Variants in GALNT9 observed in about 807,000 individuals in gnomAD.
GALNT9 encodes GalNAc transferase 9.
In GALNT9, 47 loss-of-function variants were observed where a neutral mutation model predicts 63.1. The observed-to-expected ratio is 0.75, with a 90% CI of 0.59 to 0.95. The LOEUF (loss-of-function observed/expected upper bound fraction) is 0.95, where lower values mean the gene tolerates loss of function less well. Among genes scored for constraint, GALNT9 ranks in the 40% least tolerant of loss-of-function variants. GALNT9 has a pLI of 0.00. For synonymous variants in GALNT9, 396 were observed against 365.7 expected (o/e 1.08, Z -0.94); for missense variants, 829 against 874.8 (o/e 0.95, Z 0.66).
rs1015820835 is a variant in GALNT9, at chr12:132,329,109, C to T, written c.95G>A (p.Gly32Asp). ...VLFSVYCRLQ[G>D]RSQELVRIVS... Reference sequence around the variant, plus strand: ...GATGCGCACGAGCTCCTGGGAGCGGCCCTGCAGGCGGCAGTACACGGAGAA... The same window carrying T: ...GATGCGCACGAGCTCCTGGGAGCGGTCCTGCAGGCGGCAGTACACGGAGAA... Residue 32 changes from glycine to aspartate, a missense_variant, in exon 1 of 11, where the codon GGC becomes GAC. By Grantham distance (94) the Gly-to-Asp change is moderately conservative. Transcript: ENST00000328957. The T allele has an allele frequency of 1.2e-5, 18 of 1,549,340 alleles. No homozygotes were observed. In the East Asian group the frequency reaches 4.4e-4, roughly 38 times the overall value.
intron 2 of GALNT9, chr12:132,278,590 C>T (rs1336040073): frequency 6.6e-6 from 1 of 152,214 alleles, no homozygotes; most frequent in Non-Finnish European, 1.5e-5. Context: ...CTCCCCGGGG[C>T]TGGGGCCCGC....
chr12:132,322,592 T>C (rs1868852713), intron 1 of GALNT9, among the ~76,000 whole-genome samples: 2 of 152,194 alleles, frequency 1.3e-5, no homozygotes, highest in African/African-American at 4.8e-5. Flanking sequence ...CCCCAGCTCC[T>C]GTCACCCCTT....
intron 5 of GALNT9, among the ~76,000 whole-genome samples, chr12:132,255,803 G>A (rs1326731578): frequency 6.6e-6 from 1 of 152,198 alleles, no homozygotes; most frequent in South Asian, 2.1e-4. Context: ...AGCATGGAAC[G>A]CAGGGGCACC....
At chr12:132,262,278 C>T (rs1593091213) in intron 3 of GALNT9, among the ~76,000 whole-genome samples, 181 bp downstream of exon 3, 1 of 152,168 alleles carries the variant, frequency 6.6e-6, no homozygotes, top group Non-Finnish European at 1.5e-5. Flanking sequence ...CTGGGGACAG[C>T]ACGTACGCAG....
Position 132,329,351 on chromosome 12 carries a change from C to G in GALNT9, c.-148G>C, listed in dbSNP as rs1869197272. 2 of 1,219,180 alleles carry G rather than the reference C, an allele frequency of 1.6e-6. No individual in the cohort carries two copies. The highest frequency in any genetic ancestry group is 2.1e-6 in the Non-Finnish European group (2 of 938,320). The allele number at this position is 1,219,180 out of a possible 1,614,324, so 75.5% of individuals were successfully genotyped here. A position where few individuals can be genotyped will look rare whatever the true frequency, so the allele number is the denominator to read the frequency against. On this transcript the variant is annotated 5_prime_UTR_variant, in exon 1 of 11. Coordinates refer to ENST00000328957, the MANE Select transcript of GALNT9 (RefSeq NM_001122636.2). Reference sequence around the variant, plus strand: ...GCCGGAGCTGTCCCTTCAGCACCAGCTCAGCGCGCCGGGCCACGGCCGCCG... The same window carrying G: ...GCCGGAGCTGTCCCTTCAGCACCAGGTCAGCGCGCCGGGCCACGGCCGCCG...
At position 132,304,505 on chromosome 12, in the gene GALNT9, GCACACCCTCGCCCGGA is replaced by G. The variant is rs1424795288; in HGVS notation, c.239-18091_239-18076del. On this transcript the variant is annotated intron_variant, in intron 1 of 10. Transcript: ENST00000328957. ...CTCACCCAGACACACCCTTGCCCGG[GCACACCCTCGCCCGGA>G]CACACCCTCACCCGGGCACAGAATC... Among the ~76,000 whole-genome samples, 4 of 55,446 alleles carry G rather than the reference GCACACCCTCGCCCGGA, an allele frequency of 7.2e-5. 1 individual carries two copies. Among genetic ancestry groups the G allele is most frequent in the Admixed American group, 4.1e-4 (2 of 4,844 alleles). The allele number at this position is 55,446 out of a possible 152,430, so 36.4% of individuals were successfully genotyped here. A position where few individuals can be genotyped will look rare whatever the true frequency, so the allele number is the denominator to read the frequency against.
rs1266021768 is a variant in GALNT9 at position 132,260,964 on chromosome 12, C to T, written c.745G>A (p.Glu249Lys). 17 of 1,546,306 alleles carry T rather than the reference C, an allele frequency of 1.1e-5. No individual in the cohort carries two copies. Among genetic ancestry groups the T allele is most frequent in the East Asian group, 2.5e-5 (1 of 40,706 alleles). The change falls in exon 4 of 11, where the codon GAG (glutamate) becomes AAG (lysine). Residue 249 changes from glutamate (E) to lysine (K), a missense_variant. By Grantham distance (56) the Glu-to-Lys change is moderately conservative. Coordinates refer to ENST00000328957, the MANE Select transcript of GALNT9 (RefSeq NM_001122636.2). ...PVVGFFDAHV[E>K]FNTGWAEPAL... ...GGCCCTTACCAGCCCGTGTTGAACT[C>T]GACGTGGGCATCAAAGAAGCCGACG...
chr12:132,237,827 A>G (rs1002021698), intron 6 of GALNT9, among the ~76,000 whole-genome samples: 1 of 152,224 alleles, frequency 6.6e-6, no homozygotes, highest in Non-Finnish European at 1.5e-5. Context: ...GCGGACAGGC[A>G]TCTGCCAGGC....
intron 1 of GALNT9, among the ~76,000 whole-genome samples, chr12:132,294,708 C>T (rs868985737): frequency 1.6e-3 from 48 of 29,662 alleles, no homozygotes; most frequent in African/African-American, 0.011. Flanking sequence ...GGTGCAGACC[C>T]GGGGCAGCCT....
intron 1 of GALNT9, among the ~76,000 whole-genome samples, chr12:132,317,104 ACAGCCTG>A (rs1555245745): frequency 1.3e-5 from 2 of 150,370 alleles, no homozygotes; most frequent in Admixed American, 1.3e-4. Flanking sequence ...CCCACAGAGC[ACAGCCTG>A]CACCCTACAC....
At chr12:132,244,702 C>CG (rs199632526) in intron 6 of GALNT9, among the ~76,000 whole-genome samples, 1 of 14,816 alleles carries the variant, frequency 6.7e-5, no homozygotes, top group Non-Finnish European at 1.1e-4. Context: ...TGGGGCTGGA[C>CG]GGGGGGGCGT....
chr12:132,237,060 C>T (rs1878029951), intron 6 of GALNT9, among the ~76,000 whole-genome samples: 1 of 152,206 alleles, frequency 6.6e-6, no homozygotes. Context: ...TCCTCCATCT[C>T]TCAGGGAGCC....
At chr12:132,308,493 A>C (rs1881694196) in intron 1 of GALNT9, among the ~76,000 whole-genome samples, 1 of 151,932 alleles carries the variant, frequency 6.6e-6, no homozygotes, top group Admixed American at 6.5e-5. Context: ...TGGTGCCTGC[A>C]CCTACCGGGT....
intron 6 of GALNT9, among the ~76,000 whole-genome samples, chr12:132,218,752 A>G (rs1459009883): frequency 2.6e-5 from 4 of 152,196 alleles, no homozygotes; most frequent in Non-Finnish European, 4.4e-5. Context: ...CTCTTCCTGG[A>G]TGACGGAGGT....
chr12:132,204,707 G>A (rs1222640785), intron 6 of GALNT9, among the ~76,000 whole-genome samples: 1 of 152,086 alleles, frequency 6.6e-6, no homozygotes, highest in African/African-American at 2.4e-5. Flanking sequence ...TTTCCCTGGA[G>A]AGCCCTGAGC....
At chr12:132,311,823 T>G (rs558764494) in intron 1 of GALNT9, among the ~76,000 whole-genome samples, 1 of 152,210 alleles carries the variant, frequency 6.6e-6, no homozygotes, top group South Asian at 2.1e-4. Context: ...CTTCAGGGAG[T>G]GTGGAGGGTG....
At position 132,233,145 on chromosome 12, in the gene GALNT9, C is replaced by T. The variant is rs1285779494; in HGVS notation, c.1077+14765G>A. Among the ~76,000 whole-genome samples, 13 of 60,510 alleles carry T rather than the reference C, an allele frequency of 2.1e-4. 3 individuals are homozygous for T. The South Asian group carries it at 0.01, about 47-fold the overall frequency. The allele number at this position is 60,510 out of a possible 152,430, so 39.7% of individuals were successfully genotyped here. A position where few individuals can be genotyped will look rare whatever the true frequency, so the allele number is the denominator to read the frequency against. ...CCCTACTGCCACACACTCCATGGGG[C>T]GACAGGAGACAGCGTGGAGCCCCTA... On this transcript the variant is annotated intron_variant, in intron 6 of 10. Transcript: ENST00000328957.
At position 132,207,891 on chromosome 12, in the gene GALNT9, G is replaced by A. The variant is rs543367472; in HGVS notation, c.1078-4201C>T. ...CCCTTTCCAATCCCTGCAAAACAGG[G>A]AAAGAACAAGACAGCCCCCACCCCC... On this transcript the variant is annotated intron_variant, in intron 6 of 10. Coordinates refer to ENST00000328957, the MANE Select transcript of GALNT9 (RefSeq NM_001122636.2). Among the ~76,000 whole-genome samples the A allele has an allele frequency of 3.3e-5, 5 of 152,260 alleles. No individual in the cohort carries two copies. In the South Asian group the frequency reaches 1.0e-3, roughly 32 times the overall value.
At chr12:132,302,371 T>C (rs1161491682) in intron 1 of GALNT9, among the ~76,000 whole-genome samples, 1 of 152,198 alleles carries the variant, frequency 6.6e-6, no homozygotes, top group African/African-American at 2.4e-5. Flanking sequence ...GTTCGATCCA[T>C]GTATCTGGTG....
Sources: gnomAD v4.1 joint callset for allele counts (sites outside exome capture counted in the v4.1 genomes callset) on GRCh38, gnomAD v4.1.1 for gene constraint, MANE v1.5 for transcripts, NCBI Gene and HGNC (gene_info 2026-07-23, HGNC 2026-07-21) for gene names.